The following SDK1 variants were observed in gnomAD, a reference collection of about 807,000 sequenced individuals.
SDK1 encodes sidekick cell adhesion molecule 1.
In SDK1, 157 loss-of-function variants were observed where a neutral mutation model predicts 245.5. The observed-to-expected ratio is 0.64, with a 90% CI of 0.56 to 0.73. The LOEUF is 0.73. SDK1 is among the 30% of genes least tolerant of loss of function. The probability of loss-of-function intolerance (pLI) is 0.00; values close to 1 mark genes in which losing one functional copy is unlikely to be tolerated. For missense variants in SDK1, 3,583 were observed against 3,002.3 expected (o/e 1.19, Z -4.52); for synonymous variants, 1,647 against 1,278.5 (o/e 1.29, Z -6.15).
At chr7:3,973,703 T>C (rs536201768) in intron 12 of SDK1, among the ~76,000 whole-genome samples, 81 of 152,242 alleles carry the variant, frequency 5.3e-4, no homozygotes, top group African/African-American at 1.8e-3. Context: ...GCAGTTTTCA[T>C]AGGTGACAGG....
chr7:3,871,476 G>C (rs1780955053), intron 5 of SDK1, among the ~76,000 whole-genome samples: 1 of 152,192 alleles, frequency 6.6e-6, no homozygotes, highest in Admixed American at 6.5e-5. Flanking sequence ...TACTGTAAAG[G>C]AATACGTGAG....
intron 1 of SDK1, among the ~76,000 whole-genome samples, chr7:3,394,023 C>T (rs1308385388): frequency 6.6e-6 from 1 of 152,074 alleles, no homozygotes; most frequent in Non-Finnish European, 1.5e-5. Context: ...TTGGGTAAGC[C>T]ATATCTGCAT....
At chr7:4,161,042 C>A (rs1466144174) in intron 31 of SDK1, among the ~76,000 whole-genome samples, 1 of 152,188 alleles carries the variant, frequency 6.6e-6, no homozygotes, top group Non-Finnish European at 1.5e-5. Flanking sequence ...TCTGCTGGGC[C>A]CCCGGGATCT....
chr7:3,996,105 C>G (rs1212834451), intron 14 of SDK1, among the ~76,000 whole-genome samples: 1 of 152,096 alleles, frequency 6.6e-6, no homozygotes, highest in East Asian at 1.9e-4. Context: ...CTCTGGCACA[C>G]TACTTTTCCT....
intron 1 of SDK1, among the ~76,000 whole-genome samples, chr7:3,477,586 C>G (rs1208995703): frequency 1.3e-5 from 2 of 151,494 alleles, no homozygotes; most frequent in Non-Finnish European, 2.9e-5. Context: ...GCAGTCATAG[C>G]TCGCTGCAAC....
rs949451517 is a variant in SDK1, at chr7:4,195,989, G to T, written c.5099-9890G>T. Among the ~76,000 whole-genome samples the T allele has an allele frequency of 2.6e-5, 4 of 152,300 alleles. No individual in the cohort carries two copies. The East Asian group carries it at 7.7e-4, about 29-fold the overall frequency. On this transcript the variant is annotated intron_variant, in intron 35 of 44. Coordinates refer to ENST00000404826, the MANE Select transcript of SDK1 (RefSeq NM_152744.4). ...TTGTCAGAGGCTGCTTTTGCCCTAGGAAAGCAGAGTTGAATAGTTACAGTG... is the reference window on the plus strand; with the variant it reads ...TTGTCAGAGGCTGCTTTTGCCCTAGTAAAGCAGAGTTGAATAGTTACAGTG...
At chr7:3,836,199 G>A (rs754540186) in intron 5 of SDK1, among the ~76,000 whole-genome samples, 2 of 152,208 alleles carry the variant, frequency 1.3e-5, no homozygotes, top group African/African-American at 2.4e-5. Context: ...AGCTCAACAT[G>A]TCAAACTGTA....
chr7:4,156,917 C>G (rs1780770772), intron 30 of SDK1, among the ~76,000 whole-genome samples: 1 of 152,150 alleles, frequency 6.6e-6, no homozygotes, highest in Non-Finnish European at 1.5e-5. Flanking sequence ...ATAGTTGAGA[C>G]TTTTAGACAT....
chr7:3,742,077 G>T (rs142431331), intron 4 of SDK1, among the ~76,000 whole-genome samples: 32 of 149,312 alleles, frequency 2.1e-4, no homozygotes, highest in Non-Finnish European at 2.7e-4. Flanking sequence ...CACAAATTTG[G>T]GGGGGGAGCA....
intron 1 of SDK1, among the ~76,000 whole-genome samples, chr7:3,492,595 G>T (rs897064704): frequency 4.5e-4 from 69 of 152,234 alleles, no homozygotes; most frequent in Non-Finnish European, 8.1e-4. Context: ...GCAACAAGCA[G>T]TTCTTCAGTG....
chr7:3,946,865 C>T (rs1780596877), intron 5 of SDK1, among the ~76,000 whole-genome samples: 1 of 152,250 alleles, frequency 6.6e-6, no homozygotes, highest in Admixed American at 6.5e-5. Flanking sequence ...TAAAAGAGAA[C>T]AGTACAAAAG....
At chr7:3,734,793 T>C (rs539757054) in intron 4 of SDK1, among the ~76,000 whole-genome samples, 2 of 152,370 alleles carry the variant, frequency 1.3e-5, no homozygotes, top group South Asian at 4.1e-4. Flanking sequence ...ACAGCCTCTG[T>C]CTTATAAACA....
At chr7:4,116,614 G>A (rs1301995357) in intron 25 of SDK1, among the ~76,000 whole-genome samples, 1 of 152,210 alleles carries the variant, frequency 6.6e-6, no homozygotes, top group Non-Finnish European at 1.5e-5. Flanking sequence ...CTCAATGCTG[G>A]TTAACTTTCA....
intron 1 of SDK1, among the ~76,000 whole-genome samples, chr7:3,394,099 C>G (rs1234465911): frequency 6.6e-6 from 1 of 152,120 alleles, no homozygotes; most frequent in East Asian, 1.9e-4. Context: ...TCTTGGTAGT[C>G]TTGGATAAGA....
intron 13 of SDK1, among the ~76,000 whole-genome samples, chr7:3,985,269 T>C (rs970480721): frequency 6.6e-6 from 1 of 152,234 alleles, no homozygotes; most frequent in Admixed American, 6.5e-5. Context: ...CCATCTCAGA[T>C]CAGATACATT....
At chr7:3,366,721 T>C (rs1006051539) in intron 1 of SDK1, among the ~76,000 whole-genome samples, 17 of 152,148 alleles carry the variant, frequency 1.1e-4, no homozygotes, top group Non-Finnish European at 1.8e-4. Context: ...TATTGGATTT[T>C]TGATAATTAT....
In SDK1 at chr7:3,825,822, A is replaced by G. The variant is rs528778704; in HGVS notation, c.847+4239A>G. ...TCCTTGTACCGTTAACATTAAAGGG[A>G]GAGAGGGGAACAGGCAGATGCCTTC... On this transcript the variant is annotated intron_variant, in intron 5 of 44. Transcript: ENST00000404826. Among the ~76,000 whole-genome samples the G allele has an allele frequency of 2.6e-4, 40 of 152,280 alleles. 1 individual carries two copies. Among genetic ancestry groups the G allele is most frequent in the African/African-American group, 9.1e-4 (38 of 41,558 alleles).
chr7:3,596,913 G>C (rs1208242647), intron 1 of SDK1, among the ~76,000 whole-genome samples: 2 of 152,168 alleles, frequency 1.3e-5, no homozygotes, highest in Admixed American at 1.3e-4. Flanking sequence ...TTACAGCTTA[G>C]CGTCTGCCTT....
chr7:3,681,499 C>G (rs1300125266), intron 4 of SDK1, among the ~76,000 whole-genome samples: 1 of 152,182 alleles, frequency 6.6e-6, no homozygotes, highest in Non-Finnish European at 1.5e-5. Flanking sequence ...TAAAGGTAGG[C>G]AAGTCTTCAA....
Sources: gnomAD v4.1 joint callset for allele counts (sites outside exome capture counted in the v4.1 genomes callset) on GRCh38, gnomAD v4.1.1 for gene constraint, MANE v1.5 for transcripts, NCBI Gene and HGNC (gene_info 2026-07-23, HGNC 2026-07-21) for gene names.